Variants in ARL13B observed in about 807,000 individuals in gnomAD.
The protein encoded by ARL13B is ADP-ribosylation factor-like protein 13B.
Under a neutral mutation model 56.1 loss-of-function variants are expected in ARL13B, and 36 were observed. The observed-to-expected ratio is 0.64, with a 90% CI of 0.49 to 0.85. The LOEUF (loss-of-function observed/expected upper bound fraction) is 0.85, where lower values mean the gene tolerates loss of function less well. Ranked by LOEUF, ARL13B falls within the 40% of genes least tolerant of loss-of-function variation. The probability of loss-of-function intolerance (pLI) is 0.00; values close to 1 mark genes in which losing one functional copy is unlikely to be tolerated. For missense variants in ARL13B, 519 were observed against 507.1 expected (o/e 1.02, Z -0.23); for synonymous variants, 178 against 171.1 (o/e 1.04, Z -0.32).
Position 94,008,923 on chromosome 3 carries a change from A to G in ARL13B, c.380+5015A>G, listed in dbSNP as rs149617549. Among the ~76,000 whole-genome samples the G allele has an allele frequency of 2.0e-5, 3 of 152,274 alleles. No homozygotes were observed. In the East Asian group the frequency reaches 5.8e-4, roughly 29 times the overall value. On this transcript the variant is annotated intron_variant, in intron 3 of 9. Coordinates refer to ENST00000394222, the MANE Select transcript of ARL13B (RefSeq NM_001174150.2). ...TCTTCACAAATTGAATGATTACAGC[A>G]AAAGTGATATATGTATAGTTTCACT... is the stretch of plus-strand genomic sequence containing the variant.
chr3:94,052,168 T>C (rs1312957743), intron 9 of ARL13B, among the ~76,000 whole-genome samples: 2 of 152,186 alleles, frequency 1.3e-5, no homozygotes, highest in Non-Finnish European at 2.9e-5. Flanking sequence ...TATTTATATG[T>C]ACACACATAC....
chr3:94,014,658 G>C, intron 3 of ARL13B: 1 of 1,613,530 alleles, frequency 6.2e-7, no homozygotes, highest in Middle Eastern at 1.7e-4. Context: ...GTGCTTTAGT[G>C]ATATTGATTT....
chr3:94,051,462 C>A (rs753283876), intron 9 of ARL13B, among the ~76,000 whole-genome samples: 4 of 152,068 alleles, frequency 2.6e-5, no homozygotes, highest in Non-Finnish European at 5.9e-5. Flanking sequence ...TTGAATATAA[C>A]ATACGCTATA....
At chr3:94,010,308 G>T (rs2076202466) in intron 3 of ARL13B, among the ~76,000 whole-genome samples, 1 of 152,040 alleles carries the variant, frequency 6.6e-6, no homozygotes, top group Non-Finnish European at 1.5e-5. Flanking sequence ...TAAATGCAAT[G>T]GTGGATGTGA....
chr3:94,019,667 A>G (rs558360676), intron 3 of ARL13B, among the ~76,000 whole-genome samples: 9 of 151,508 alleles, frequency 5.9e-5, no homozygotes, highest in Non-Finnish European at 1.2e-4. Context: ...TCCTGTGCCT[A>G]AAATCCTCCT....
Position 94,050,853 on chromosome 3 carries a change from C to T in ARL13B, c.1171C>T (p.Leu391Phe). The T allele has an allele frequency of 6.2e-7, 1 of 1,612,950 alleles. No homozygotes were observed. The highest frequency in any genetic ancestry group is 8.5e-7 in the Non-Finnish European group (1 of 1,179,736). ...CTGGGGAACCCCTAAAGTCACTAGACTTCCAAAACTTGAGCCTCTTGGTGA... is the reference window on the plus strand; with the variant it reads ...CTGGGGAACCCCTAAAGTCACTAGATTTCCAAAACTTGAGCCTCTTGGTGA... ...VGWGTPKVTRLPKLEPLGETH... is the reference protein window; with the variant it reads ...VGWGTPKVTRFPKLEPLGETH... Residue 391 changes from leucine to phenylalanine, a missense_variant, in exon 9 of 10, where the codon CTT (leucine) becomes TTT (phenylalanine). Transcript: ENST00000394222.
intron 1 of ARL13B, 77 bp downstream of exon 1, chr3:93,980,559 C>G: frequency 1.3e-6 from 2 of 1,572,522 alleles, no homozygotes; most frequent in Non-Finnish European, 1.7e-6. Flanking sequence ...GCCGCCTTTT[C>G]CCCGCGCCTG....
At chr3:94,001,186 G>A (rs1374642346) in intron 2 of ARL13B, among the ~76,000 whole-genome samples, 1 of 152,144 alleles carries the variant, frequency 6.6e-6, no homozygotes, top group Non-Finnish European at 1.5e-5. Context: ...AGTTGTACCT[G>A]AACATTTAGT....
intron 3 of ARL13B, among the ~76,000 whole-genome samples, chr3:94,033,415 G>A (rs1217245822): frequency 2.6e-5 from 4 of 151,600 alleles, no homozygotes; most frequent in African/African-American, 4.9e-5. Flanking sequence ...GATCACCTTC[G>A]GAGGTTGCTA....
At chr3:94,040,460 A>G (rs1163771926) in intron 6 of ARL13B, among the ~76,000 whole-genome samples, 1 of 152,204 alleles carries the variant, frequency 6.6e-6, no homozygotes, top group Non-Finnish European at 1.5e-5. Flanking sequence ...ATATCTGAAT[A>G]TCATTTATTT....
Position 93,985,007 on chromosome 3 carries a change from CTCAA to C in ARL13B, c.59+4551_59+4554del, listed in dbSNP as rs71621580. On this transcript the variant is annotated intron_variant, in intron 1 of 9. Coordinates refer to ENST00000394222, the MANE Select transcript of ARL13B (RefSeq NM_001174150.2). ...CCTGGGTGACAAAGTGAAACCCTGT[CTCAA>C]TCAATCAATCAATCAATCAATCAAT... 3.5e-3 allele frequency among the ~76,000 whole-genome samples: 526 copies of C among 150,912 alleles called. 2 individuals carry two copies. The highest frequency in any genetic ancestry group is 6.7e-3 in the African/African-American group (276 of 41,184).
chr3:93,982,625 G>A (rs773152083), intron 1 of ARL13B, among the ~76,000 whole-genome samples: 1 of 152,104 alleles, frequency 6.6e-6, no homozygotes, highest in Non-Finnish European at 1.5e-5. Context: ...TGTTGCTTAT[G>A]TTAACATTTC....
intron 9 of ARL13B, among the ~76,000 whole-genome samples, chr3:94,052,809 G>A (rs1291999026): frequency 6.6e-6 from 1 of 152,108 alleles, no homozygotes; most frequent in African/African-American, 2.4e-5. Context: ...GGCTATATTT[G>A]GGGTAAGAAT....
chr3:94,005,993 G>C (rs1229297799), intron 3 of ARL13B, among the ~76,000 whole-genome samples: 1 of 152,114 alleles, frequency 6.6e-6, no homozygotes, highest in Admixed American at 6.5e-5. Flanking sequence ...AATGTATACA[G>C]TATTCATATA....
Position 94,053,839 on chromosome 3 carries a change from C to T in ARL13B, c.*576C>T, listed in dbSNP as rs1229693024. The T allele has an allele frequency of 1.7e-5, 5 of 299,384 alleles. No homozygotes were observed. The highest frequency in any genetic ancestry group is 2.6e-5 in the Non-Finnish European group (4 of 154,598). 18.5% of individuals were successfully genotyped at this position (299,384 alleles called of 1,614,324 possible). Reference sequence around the variant, plus strand: ...TACTTTCAGACATGAACTATACAAACAGGATATATTTATATGGCTTGAGGT... The same window carrying T: ...TACTTTCAGACATGAACTATACAAATAGGATATATTTATATGGCTTGAGGT... On this transcript the variant is annotated 3_prime_UTR_variant, in exon 10 of 10. Transcript: ENST00000394222.
intron 3 of ARL13B, among the ~76,000 whole-genome samples, chr3:94,034,349 AAG>A (rs2076730934): frequency 6.6e-6 from 1 of 152,078 alleles, no homozygotes; most frequent in South Asian, 2.1e-4. Context: ...TTTTAACCTA[AAG>A]AGTCTGTCAA....
At chr3:94,034,246 A>G (rs189828704) in intron 3 of ARL13B, among the ~76,000 whole-genome samples, 4 of 152,246 alleles carry the variant, frequency 2.6e-5, no homozygotes, top group Non-Finnish European at 4.4e-5. Flanking sequence ...AAAAGAAGGT[A>G]TATAGATAAG....
intron 1 of ARL13B, 86 bp downstream of exon 1, chr3:93,980,568 T>C: frequency 6.5e-7 from 1 of 1,540,330 alleles, no homozygotes; most frequent in Non-Finnish European, 8.9e-7. Flanking sequence ...TCCCCGCGCC[T>C]GGACGAGTCT....
In ARL13B at chr3:94,054,909, A is replaced by G. The variant is rs755253862; in HGVS notation, c.*1646A>G. 9 of 275,132 alleles carry G rather than the reference A, an allele frequency of 3.3e-5. No homozygotes were observed. Among genetic ancestry groups the G allele is most frequent in the African/African-American group, 9.2e-5 (4 of 43,596 alleles). 17.0% of individuals were successfully genotyped at this position (275,132 alleles called of 1,614,324 possible). On this transcript the variant is annotated 3_prime_UTR_variant, in exon 10 of 10. Coordinates refer to ENST00000394222, the MANE Select transcript of ARL13B (RefSeq NM_001174150.2). ...AAAAGGATTTTAGAGGGAAAATTGC[A>G]TAGCTTTTTGTAACATTTACTTAAT...
Sources: allele counts gnomAD v4.1 joint callset (sites outside exome capture counted in the v4.1 genomes callset), GRCh38; gene constraint gnomAD v4.1.1; transcripts MANE v1.5; gene names NCBI Gene and HGNC (gene_info 2026-07-23, HGNC 2026-07-21).